PPIP5K2: variants seen among roughly 807,000 people sequenced by gnomAD.
PPIP5K2 encodes the protein inositol hexakisphosphate and diphosphoinositol-pentakisphosphate kinase 2.
PPIP5K2 carries 105 observed loss-of-function variants against 154.6 expected under a neutral mutation model. The ratio of observed to expected loss-of-function variants is 0.68; its 90% confidence interval spans 0.58 to 0.80. The LOEUF (loss-of-function observed/expected upper bound fraction) is 0.80. PPIP5K2 is among the 30% of genes least tolerant of loss of function. The pLI is 0.00. For synonymous variants in PPIP5K2, 480 were observed against 490.3 expected (o/e 0.98, Z 0.28); for missense variants, 992 against 1,504.6 (o/e 0.66, Z 5.64).
At chr5:103,133,682 C>G in intron 3 of PPIP5K2, 34 bp downstream of exon 3, 1 of 1,483,830 alleles carries the variant, frequency 6.7e-7, no homozygotes, top group South Asian at 1.4e-5. Context: ...ACTCCTTTAT[C>G]CTCTCTGTTT....
At chr5:103,121,883 G>A (rs1229328430) in intron 1 of PPIP5K2, among the ~76,000 whole-genome samples, 1 of 152,196 alleles carries the variant, frequency 6.6e-6, no homozygotes, top group Admixed American at 6.5e-5. Flanking sequence ...TAAGTAGTGG[G>A]AATATATAGA....
intron 5 of PPIP5K2, among the ~76,000 whole-genome samples, chr5:103,142,029 G>A (rs1003518313): frequency 1.3e-5 from 2 of 152,214 alleles, no homozygotes; most frequent in African/African-American, 2.4e-5. Flanking sequence ...CGCGCCGTGT[G>A]CTCGCACTCC....
At chr5:103,141,850 G>C (rs1554206877) in intron 5 of PPIP5K2, among the ~76,000 whole-genome samples, 1 of 152,226 alleles carries the variant, frequency 6.6e-6, no homozygotes, top group African/African-American at 2.4e-5. Context: ...ACAGAGTGTA[G>C]ATTGGTGCAC....
At chr5:103,201,372 A>G in intron 30 of PPIP5K2, 150 bp from the exon 31 acceptor site, 1 of 549,966 alleles carries the variant, frequency 1.8e-6, no homozygotes, top group Non-Finnish European at 3.2e-6. Flanking sequence ...TGAAAAGTAA[A>G]AGGTTAAAAA....
chr5:103,134,326 A>G (rs188450488), intron 3 of PPIP5K2, among the ~76,000 whole-genome samples: 6,433 of 152,244 alleles, frequency 0.042, 434 homozygotes, highest in African/African-American at 0.15. Flanking sequence ...CTGAAAATTG[A>G]TAGCCTAAGA....
chr5:103,174,305 T>G (rs1314079330), intron 21 of PPIP5K2: 1 of 216,638 alleles, frequency 4.6e-6, no homozygotes, highest in African/African-American at 2.3e-5. Flanking sequence ...GTACCACTGA[T>G]CTACTATTAT....
Position 103,174,809 on chromosome 5 carries a change from A to C in PPIP5K2, c.2529+837A>C, listed in dbSNP as rs139399087. 9.2e-5 allele frequency among the ~76,000 whole-genome samples: 14 copies of C among 152,194 alleles called. 1 individual carries two copies. In the East Asian group the frequency reaches 2.7e-3, roughly 29 times the overall value. ...CAGATGGGCTGAGTGTCCCTGTCCT[A>C]TTGTAAGAAGAGTATGTAGCATTGA... On this transcript the variant is annotated intron_variant, in intron 21 of 30. Coordinates refer to ENST00000358359, the MANE Select transcript of PPIP5K2 (RefSeq NM_001276277.3).
intron 5 of PPIP5K2, among the ~76,000 whole-genome samples, chr5:103,145,243 A>T (rs1257367615): frequency 6.6e-6 from 1 of 152,182 alleles, no homozygotes; most frequent in African/African-American, 2.4e-5. Context: ...TTTATCAAGA[A>T]GACAAGCAAT....
chr5:103,156,023 G>GT (rs1554213241), intron 14 of PPIP5K2, 29 bp downstream of exon 14: 1 of 1,403,376 alleles, frequency 7.1e-7, no homozygotes, highest in Non-Finnish European at 1.0e-6. Flanking sequence ...TTATACAGTA[G>GT]TTTTATATGT....
intron 29 of PPIP5K2, among the ~76,000 whole-genome samples, chr5:103,193,142 A>G (rs17155136): frequency 0.053 from 8,090 of 152,178 alleles, 563 homozygotes; most frequent in African/African-American, 0.16. Context: ...GGAAATCAAT[A>G]AATTAGTGGT....
chr5:103,122,378 T>C (rs1428004274), intron 1 of PPIP5K2, among the ~76,000 whole-genome samples: 3 of 152,150 alleles, frequency 2.0e-5, no homozygotes, highest in Non-Finnish European at 2.9e-5. Context: ...ACTGAAGACC[T>C]TTCAGTTGGT....
chr5:103,120,529 C>T, intron 1 of PPIP5K2, 41 bp downstream of exon 1: 1 of 456,652 alleles, frequency 2.2e-6, no homozygotes, highest in Non-Finnish European at 4.4e-6. Flanking sequence ...GATGCGGAAC[C>T]TGATCATGCC....
chr5:103,195,012 A>T lies in PPIP5K2; in HGVS notation c.3606A>T (p.Ala1202=). Residue 1202 remains alanine, a synonymous_variant, in exon 30 of 31, where the codon GCA becomes GCT. Transcript: ENST00000358359. ...CAGCTACCTTAAAGAGCACTAAAGC[A>T]AGCAGCAAACCAGGTAAGGGGTGTG... ...TPPATLKSTK[A]SSKPATSGPS... is the part of the protein sequence containing the mutation. 6.2e-7 allele frequency: 1 copy of T among 1,613,790 alleles called. No homozygotes were observed. The highest frequency in any genetic ancestry group is 1.3e-5 in the African/African-American group (1 of 75,038).
chr5:103,189,181 T>C (rs890151362), intron 28 of PPIP5K2: 2 of 1,530,596 alleles, frequency 1.3e-6, no homozygotes, highest in Non-Finnish European at 1.8e-6. Flanking sequence ...CCTACACCTC[T>C]ATAGGTGCTG....
intron 8 of PPIP5K2, among the ~76,000 whole-genome samples, chr5:103,149,698 A>C (rs1311541485): frequency 6.7e-6 from 1 of 148,824 alleles, no homozygotes; most frequent in Non-Finnish European, 1.5e-5. Context: ...ATATAAAAAC[A>C]TTTCTTTTTT....
intron 1 of PPIP5K2, among the ~76,000 whole-genome samples, chr5:103,122,536 T>C (rs994432296): frequency 6.6e-6 from 1 of 152,178 alleles, no homozygotes; most frequent in East Asian, 1.9e-4. Flanking sequence ...ATAGGCTTTT[T>C]TTGTGTAATC....
chr5:103,198,009 T>A (rs1802382213), intron 30 of PPIP5K2, among the ~76,000 whole-genome samples: 1 of 152,142 alleles, frequency 6.6e-6, no homozygotes, highest in South Asian at 2.1e-4. Flanking sequence ...TTGATTGTTA[T>A]CTATTTCAAA....
At chr5:103,184,571 G>T in intron 25 of PPIP5K2, 101 bp from the exon 26 acceptor site, 1 of 818,826 alleles carries the variant, frequency 1.2e-6, no homozygotes, top group Non-Finnish European at 2.0e-6. Context: ...TTATCATACA[G>T]CTTATTAACC....
At chr5:103,174,637 C>A (rs1798433689) in intron 21 of PPIP5K2, among the ~76,000 whole-genome samples, 1 of 152,018 alleles carries the variant, frequency 6.6e-6, no homozygotes, top group South Asian at 2.1e-4. Flanking sequence ...CAGGAGTGAG[C>A]TTCCTATGAG....
Sources: gnomAD v4.1 joint callset for allele counts (sites outside exome capture counted in the v4.1 genomes callset) on GRCh38, gnomAD v4.1.1 for gene constraint, MANE v1.5 for transcripts, NCBI Gene and HGNC (gene_info 2026-07-23, HGNC 2026-07-21) for gene names.